IDS: variants seen among roughly 807,000 people sequenced by gnomAD.
The protein encoded by IDS is alpha-L-iduronate sulfate sulfatase.
Under a neutral mutation model 33.5 loss-of-function variants are expected in IDS, and 1 was observed. That is an observed-to-expected ratio of 0.03 (90% CI 0.01 to 0.14). The LOEUF is 0.14. IDS is among the 10% of genes least tolerant of loss of function. The probability of loss-of-function intolerance (pLI) is 1.00; values close to 1 mark genes in which losing one functional copy is unlikely to be tolerated. For missense variants in IDS, 328 were observed against 448.0 expected, an observed-to-expected ratio of 0.73 and a Z score of 2.42; for synonymous variants, 191 against 184.4, an observed-to-expected ratio of 1.04 and a Z score of -0.29.
At chrX:149,485,472 T>C (rs2089328691) in intron 8 of IDS, among the ~76,000 whole-genome samples, 1 of 111,639 alleles carries the variant, frequency 9.0e-6, no homozygotes, top group African/African-American at 3.3e-5. Flanking sequence ...AGAACAGGGG[T>C]TGAGATTATT....
chrX:149,499,866 C>A, intron 4 of IDS, among the ~76,000 whole-genome samples: 1 of 111,631 alleles, frequency 9.0e-6, no homozygotes, highest in Non-Finnish European at 1.9e-5. Context: ...AGAATGAAAC[C>A]TCCTGCTTTG....
rs1457061367 is a variant in IDS at position 149,480,439 on chromosome X, A to T, written c.*2307T>A. ...GATAAAGAAACAGCTCATAAGAGGC[A>T]CTTGCCAACATCCAACAAATTCAGT... On this transcript the variant is annotated 3_prime_UTR_variant, in exon 9 of 9. Transcript: ENST00000340855. 1 of 297,781 alleles carries T rather than the reference A, an allele frequency of 3.4e-6. No homozygotes were observed. Among genetic ancestry groups the T allele is most frequent in the Non-Finnish European group, 5.9e-6 (1 of 170,397 alleles). The allele number at this position is 297,781 out of a possible 1,213,427, so 24.5% of individuals were successfully genotyped here.
intron 6 of IDS, chrX:149,491,695 G>A (rs1448733199): frequency 2.0e-6 from 2 of 976,507 alleles, no homozygotes; most frequent in African/African-American, 3.9e-5. Flanking sequence ...CTGTCAGGAT[G>A]GCTATGTCCT....
intron 8 of IDS, among the ~76,000 whole-genome samples, chrX:149,485,423 G>C (rs1387904140): frequency 7.1e-5 from 8 of 112,250 alleles, no homozygotes; most frequent in Non-Finnish European, 1.1e-4. Flanking sequence ...AGTGTGACAG[G>C]CTTTCTCATA....
Position 149,482,416 on chromosome X carries a change from G to T in IDS, c.*330C>A. 2 of 235,801 alleles carry T rather than the reference G, an allele frequency of 8.5e-6. No individual in the cohort carries two copies. The highest frequency in any genetic ancestry group is 1.5e-5 in the Non-Finnish European group (2 of 132,003). 19.4% of individuals were successfully genotyped at this position (235,801 alleles called of 1,213,427 possible). On this transcript the variant is annotated 3_prime_UTR_variant, in exon 9 of 9. Coordinates refer to ENST00000340855, the MANE Select transcript of IDS (RefSeq NM_000202.8). Reference sequence around the variant, plus strand: ...TTCTTTGTGTATAATGTTATGTTTGGTTATTATGTATGGTCTTCGTATCCA... The same window carrying T: ...TTCTTTGTGTATAATGTTATGTTTGTTTATTATGTATGGTCTTCGTATCCA...
intron 3 of IDS, chrX:149,503,078 C>G: frequency 9.0e-7 from 1 of 1,107,004 alleles, no homozygotes; most frequent in Admixed American, 3.2e-5. Flanking sequence ...AAAGACCCAA[C>G]AGCACACCCT....
At chrX:149,485,494 T>G (rs2124001518) in intron 8 of IDS, among the ~76,000 whole-genome samples, 1 of 112,114 alleles carries the variant, frequency 8.9e-6, no homozygotes, top group African/African-American at 3.2e-5. Context: ...CATGATTTTT[T>G]GGCATGAGTG....
Position 149,480,494 on chromosome X carries a change from A to C in IDS, c.*2252T>G, listed in dbSNP as rs1557337322. ...AACCACAGAAAATCTAGGAGTCTCC[A>C]AAGAAAATCACAGTCCTGCTGTGTT... On this transcript the variant is annotated 3_prime_UTR_variant, in exon 9 of 9. Coordinates refer to ENST00000340855, the MANE Select transcript of IDS (RefSeq NM_000202.8). 3.4e-6 allele frequency: 1 copy of C among 295,220 alleles called. No homozygotes were observed. Among genetic ancestry groups the C allele is most frequent in the African/African-American group, 2.7e-5 (1 of 36,473 alleles). 24.3% of individuals were successfully genotyped at this position (295,220 alleles called of 1,213,427 possible).
chrX:149,498,212 G>A lies in IDS; in HGVS notation c.603C>T (p.Ser201=), dbSNP rs1557339534. 1 of 1,211,319 alleles carries A rather than the reference G, an allele frequency of 8.3e-7. No individual in the cohort carries two copies. The highest frequency in any genetic ancestry group is 2.2e-5 in the Admixed American group (1 of 46,107). Residue 201 remains serine, a synonymous_variant, in exon 5 of 9, where the codon AGC becomes AGT. Transcript: ENST00000340855. ...VPEGTLPDKQ[S]TEQAIQLLEK... ...CCAACAACTGTATGGCTTGCTCAGT[G>A]CTCTGTTTGTCAGGCAAGGTGCCCT...
intron 3 of IDS, among the ~76,000 whole-genome samples, chrX:149,501,408 T>C (rs1557339971): frequency 8.9e-6 from 1 of 112,204 alleles, no homozygotes; most frequent in Non-Finnish European, 1.9e-5. Context: ...GGAAGGTATG[T>C]GACTTACCTA....
chrX:149,486,264 G>T (rs940092043), intron 8 of IDS, among the ~76,000 whole-genome samples: 1 of 111,648 alleles, frequency 9.0e-6, no homozygotes, highest in East Asian at 2.8e-4. Context: ...ACAACCACGC[G>T]TCTAAACACT....
At chrX:149,503,892 G>A (rs1557340354) in intron 2 of IDS, among the ~76,000 whole-genome samples, 1 of 111,442 alleles carries the variant, frequency 9.0e-6, no homozygotes, top group Non-Finnish European at 1.9e-5. Flanking sequence ...GCAAGCGCCC[G>A]TTCTGGGAGA....
At chrX:149,502,951 C>A in intron 3 of IDS, 2 of 419,196 alleles carry the variant, frequency 4.8e-6, no homozygotes, top group Non-Finnish European at 8.3e-6. Context: ...GTGTCCTCAC[C>A]CCACCCCTAG....
chrX:149,490,752 T>C (rs1235053401), intron 6 of IDS, among the ~76,000 whole-genome samples: 1 of 111,156 alleles, frequency 9.0e-6, no homozygotes, highest in Non-Finnish European at 1.9e-5. Flanking sequence ...ATGTATTGTC[T>C]CCTAGCTCTG....
rs782437857 is a variant in IDS, at chrX:149,487,275, G to A, written c.1007-177C>T. On this transcript the variant is annotated intron_variant, in intron 7 of 8. Transcript: ENST00000340855. ...GAAAGGGTTATTTCAACTGAATGCT[G>A]CTTTATTCAAAATCAGGTATTTGTC... 1.4e-5 allele frequency: 17 copies of A among 1,206,986 alleles called. No homozygotes were observed. The South Asian group carries it at 2.1e-4, about 15-fold the overall frequency.
At position 149,505,274 on chromosome X, in the gene IDS, C is replaced by A; in HGVS notation, c.-137G>T. On this transcript the variant is annotated 5_prime_UTR_variant, in exon 1 of 9. Transcript: ENST00000340855. ...CTGCGCAACACAGCCGCCGCCCGGG[C>A]CCGCAGGCCCGGGCGCTGGCCGCAG... 1 of 336,080 alleles carries A rather than the reference C, an allele frequency of 3.0e-6. No homozygotes were observed. 27.7% of individuals were successfully genotyped at this position (336,080 alleles called of 1,213,427 possible). A position where few individuals can be genotyped will look rare whatever the true frequency, so the allele number is the denominator to read the frequency against.
At chrX:149,487,356 C>T (rs957394771) in intron 7 of IDS, 2 of 989,827 alleles carry the variant, frequency 2.0e-6, no homozygotes, top group African/African-American at 3.7e-5. Flanking sequence ...ACTCAAATAT[C>T]TTAACAAACT....
chrX:149,478,583 A>G lies in IDS; in HGVS notation c.*4163T>C, dbSNP rs781843057. On this transcript the variant is annotated 3_prime_UTR_variant, in exon 9 of 9. Transcript: ENST00000340855. ...TAAAGCTAAATATGTCCATATCTGC[A>G]TATATGTCTTTAGGCAGGTAAAAGA... The G allele has an allele frequency of 2.7e-5, 3 of 112,970 alleles. No individual in the cohort carries two copies. The South Asian group carries it at 1.1e-3, about 41-fold the overall frequency. 9.3% of individuals were successfully genotyped at this position (112,970 alleles called of 1,213,427 possible).
Position 149,505,191 on chromosome X carries a change from C to T in IDS, c.-54G>A. 1.1e-6 allele frequency: 1 copy of T among 933,742 alleles called. No individual in the cohort carries two copies. The highest frequency in any genetic ancestry group is 2.9e-4 in the Middle Eastern group (1 of 3,453). The allele number at this position is 933,742 out of a possible 1,213,427, so 77.0% of individuals were successfully genotyped here. ...GGCGGGGACAGGCTGCAGCAGGTGGCGCAGTTAGCAGCCGCCGCCGCAGCC... is the reference window on the plus strand; with the variant it reads ...GGCGGGGACAGGCTGCAGCAGGTGGTGCAGTTAGCAGCCGCCGCCGCAGCC... On this transcript the variant is annotated 5_prime_UTR_variant, in exon 1 of 9. Transcript: ENST00000340855.
Sources: gnomAD v4.1 joint callset for allele counts (sites outside exome capture counted in the v4.1 genomes callset) on GRCh38, gnomAD v4.1.1 for gene constraint, MANE v1.5 for transcripts, NCBI Gene and HGNC (gene_info 2026-07-23, HGNC 2026-07-21) for gene names.